ST18: variants seen among roughly 807,000 people sequenced by gnomAD.
The protein encoded by ST18 is ST18 C2H2C-type zinc finger transcription factor, also known as suppression of tumorigenicity 18 protein.
Under a neutral mutation model 110.0 loss-of-function variants are expected in ST18, and 50 were observed. The observed-to-expected ratio is 0.45, with a 90% CI of 0.36 to 0.58. The LOEUF (loss-of-function observed/expected upper bound fraction) is 0.58, where lower values mean the gene tolerates loss of function less well. Ranked by LOEUF, ST18 falls within the 20% of genes least tolerant of loss-of-function variation. The pLI is 0.00. For synonymous variants in ST18, 461 were observed against 452.4 expected (o/e 1.02, Z -0.24); for missense variants, 1,306 against 1,280.1 (o/e 1.02, Z -0.31).
intron 19 of ST18, among the ~76,000 whole-genome samples, chr8:52,135,490 G>A (rs1244444873): frequency 6.7e-6 from 1 of 149,492 alleles, no homozygotes; most frequent in African/African-American, 2.5e-5. Flanking sequence ...AACCTGGGAG[G>A]CGGAGGTTGC....
chr8:52,347,779 C>T (rs546107284), intron 2 of ST18, among the ~76,000 whole-genome samples: 2 of 152,236 alleles, frequency 1.3e-5, no homozygotes, highest in South Asian at 2.1e-4. Context: ...CAGGGAAACC[C>T]ATCTGGGGAA....
At chr8:52,171,665 T>C in intron 10 of ST18, 127 bp downstream of exon 10, 1 of 938,572 alleles carries the variant, frequency 1.1e-6, no homozygotes, top group Non-Finnish European at 1.6e-6. Flanking sequence ...TATTTTATAA[T>C]TATAAATTGA....
chr8:52,114,920 G>T (rs2041999835), intron 25 of ST18, among the ~76,000 whole-genome samples: 1 of 152,170 alleles, frequency 6.6e-6, no homozygotes. Context: ...TAACTTGTGT[G>T]GTACCTGTTT....
At chr8:52,404,664 T>C (rs1044281930) in intron 2 of ST18, 2 of 152,154 alleles carry the variant, frequency 1.3e-5, no homozygotes, top group African/African-American at 4.8e-5. Flanking sequence ...TTCTGAGAAA[T>C]TTAAAACTAA....
chr8:52,192,572 A>T (rs957083008), intron 8 of ST18, among the ~76,000 whole-genome samples: 1 of 152,230 alleles, frequency 6.6e-6, no homozygotes, highest in African/African-American at 2.4e-5. Context: ...GCTAGCTTGG[A>T]CGTGACACCT....
At chr8:52,227,749 G>T (rs567340355) in intron 3 of ST18, among the ~76,000 whole-genome samples, 1 of 152,264 alleles carries the variant, frequency 6.6e-6, no homozygotes, top group African/African-American at 2.4e-5. Flanking sequence ...TTCATATTGT[G>T]GTTGACAGCA....
chr8:52,213,945 G>A (rs186907952), intron 7 of ST18, among the ~76,000 whole-genome samples: 13 of 152,234 alleles, frequency 8.5e-5, no homozygotes, highest in East Asian at 1.9e-4. Context: ...GCTGTTTTGC[G>A]TGATGTTCAA....
chr8:52,204,856 G>T (rs1564049237), intron 8 of ST18, among the ~76,000 whole-genome samples: 2 of 152,060 alleles, frequency 1.3e-5, no homozygotes, highest in Admixed American at 6.6e-5. Context: ...GTAATCTATT[G>T]GTTGACAGAG....
At chr8:52,255,024 A>T (rs948044364) in intron 2 of ST18, among the ~76,000 whole-genome samples, 5 of 152,300 alleles carry the variant, frequency 3.3e-5, no homozygotes, top group African/African-American at 1.2e-4. Context: ...GGCCTCCACC[A>T]GGCTTGGTAA....
intron 8 of ST18, among the ~76,000 whole-genome samples, chr8:52,197,866 G>A (rs1469867905): frequency 6.8e-6 from 1 of 147,012 alleles, no homozygotes; most frequent in Non-Finnish European, 1.5e-5. Flanking sequence ...GACCCACAGA[G>A]GGAAAACAGC....
At chr8:52,309,839 T>C (rs2095875027) in intron 2 of ST18, among the ~76,000 whole-genome samples, 1 of 151,946 alleles carries the variant, frequency 6.6e-6, no homozygotes, top group Non-Finnish European at 1.5e-5. Context: ...AGTCAGCAGC[T>C]CAATCTCATA....
At chr8:52,270,883 A>G (rs112993915) in intron 2 of ST18, among the ~76,000 whole-genome samples, 2 of 151,998 alleles carry the variant, frequency 1.3e-5, no homozygotes, top group African/African-American at 4.8e-5. Context: ...TATGTGAATT[A>G]TGACTCAATC....
intron 2 of ST18, among the ~76,000 whole-genome samples, chr8:52,243,971 A>G (rs1231700021): frequency 1.3e-5 from 2 of 152,118 alleles, no homozygotes; most frequent in African/African-American, 4.8e-5. Context: ...GGCTTCTTCA[A>G]TTCCCCTCAG....
intron 2 of ST18, among the ~76,000 whole-genome samples, chr8:52,240,930 A>AAAT (rs2093342265): frequency 6.6e-6 from 1 of 152,198 alleles, no homozygotes; most frequent in South Asian, 2.1e-4. Context: ...AGATCCACTG[A>AAAT]TCAGCTGTAC....
chr8:52,179,924 T>G (rs2068671143), intron 9 of ST18, among the ~76,000 whole-genome samples, 198 bp downstream of exon 9: 1 of 152,218 alleles, frequency 6.6e-6, no homozygotes. Context: ...TGCTTATTTA[T>G]GGACCCTCCA....
chr8:52,283,761 C>T (rs956297474), intron 2 of ST18, among the ~76,000 whole-genome samples: 2 of 152,072 alleles, frequency 1.3e-5, no homozygotes, highest in African/African-American at 4.8e-5. Flanking sequence ...GTGAACTGTA[C>T]GTCACATCCC....
chr8:52,307,270 T>C (rs1335119032), intron 2 of ST18, among the ~76,000 whole-genome samples: 1 of 152,190 alleles, frequency 6.6e-6, no homozygotes, highest in East Asian at 1.9e-4. Context: ...TAAAGTTCTT[T>C]GAATTAGCCC....
At chr8:52,203,358 A>T (rs750534599) in intron 8 of ST18, among the ~76,000 whole-genome samples, 2 of 152,152 alleles carry the variant, frequency 1.3e-5, no homozygotes, top group African/African-American at 4.8e-5. Flanking sequence ...TTTCCACCAC[A>T]CAAACTCTTG....
intron 23 of ST18, among the ~76,000 whole-genome samples, chr8:52,120,981 C>T (rs1489825708): frequency 6.6e-6 from 1 of 152,056 alleles, no homozygotes; most frequent in Non-Finnish European, 1.5e-5. Flanking sequence ...CTTGTTTCTG[C>T]CAGAGCAGGT....
Sources: allele counts gnomAD v4.1 joint callset (sites outside exome capture counted in the v4.1 genomes callset), GRCh38; gene constraint gnomAD v4.1.1; transcripts MANE v1.5; gene names NCBI Gene and HGNC (gene_info 2026-07-23, HGNC 2026-07-21).